The following GNG12 variants were observed in gnomAD, a reference collection of about 807,000 sequenced individuals.
GNG12 encodes guanine nucleotide-binding protein G(I)/G(S)/G(O) subunit gamma-12.
For synonymous variants in GNG12, 28 were observed against 29.7 expected (o/e 0.94, Z 0.19); for missense variants, 69 against 83.8 (o/e 0.82, Z 0.69).
At chr1:67,830,167 G>A (rs1647035124) in intron 1 of GNG12, among the ~76,000 whole-genome samples, 1 of 152,036 alleles carries the variant, frequency 6.6e-6, no homozygotes, top group Admixed American at 6.6e-5. Flanking sequence ...CATCACGCCT[G>A]GTTTATTTTG....
intron 2 of GNG12, among the ~76,000 whole-genome samples, chr1:67,767,155 A>T (rs1027004939): frequency 3.3e-5 from 5 of 152,150 alleles, no homozygotes; most frequent in Non-Finnish European, 5.9e-5. Flanking sequence ...CCTGAACCTT[A>T]GGGCTCTTTA....
intron 2 of GNG12, among the ~76,000 whole-genome samples, chr1:67,710,011 G>T (rs868565986): frequency 1.5e-4 from 4 of 26,028 alleles, no homozygotes; most frequent in Non-Finnish European, 2.2e-4. Context: ...TATATATATA[G>T]TTATATATAT....
At chr1:67,730,437 G>A (rs895013045) in intron 2 of GNG12, among the ~76,000 whole-genome samples, 58 of 152,120 alleles carry the variant, frequency 3.8e-4, no homozygotes, top group African/African-American at 1.3e-3. Flanking sequence ...AGGAGGAGGC[G>A]GAGGTTGCAG....
intron 2 of GNG12, among the ~76,000 whole-genome samples, chr1:67,747,383 G>C (rs1411672575): frequency 1.3e-5 from 2 of 152,178 alleles, no homozygotes; most frequent in African/African-American, 2.4e-5. Context: ...GCCTCTGGAA[G>C]TGCTGGGATT....
intron 2 of GNG12, among the ~76,000 whole-genome samples, chr1:67,718,524 C>T (rs142518882): frequency 2.0e-5 from 3 of 152,298 alleles, no homozygotes; most frequent in African/African-American, 7.2e-5. Flanking sequence ...GGCTGCCTTA[C>T]TAGACAGTGT....
rs546910296 is a variant in GNG12 at position 67,712,824 on chromosome 1, T to C, written c.-26-5112A>G. Among the ~76,000 whole-genome samples the C allele has an allele frequency of 1.3e-3, 183 of 137,392 alleles. 1 individual carries two copies. The highest frequency in any genetic ancestry group is 4.9e-3 in the African/African-American group (177 of 35,976). The allele number at this position is 137,392 out of a possible 152,430, so 90.1% of individuals were successfully genotyped here. On this transcript the variant is annotated intron_variant, in intron 2 of 3. Transcript: ENST00000370982. Reference sequence around the variant, plus strand: ...CAGGGCATCAGTGAATGCTCTACCATGTGGTTCTTTTTTTTTTTTTTCCCC... The same window carrying C: ...CAGGGCATCAGTGAATGCTCTACCACGTGGTTCTTTTTTTTTTTTTTCCCC...
chr1:67,743,828 C>T (rs1368893015), intron 2 of GNG12, among the ~76,000 whole-genome samples: 1 of 152,152 alleles, frequency 6.6e-6, no homozygotes, highest in African/African-American at 2.4e-5. Context: ...CAGCTTTTTA[C>T]AAGGATATTG....
At chr1:67,775,692 G>A (rs1646700893) in intron 2 of GNG12, among the ~76,000 whole-genome samples, 1 of 152,236 alleles carries the variant, frequency 6.6e-6, no homozygotes, top group African/African-American at 2.4e-5. Context: ...GCTGGGAAGT[G>A]AGTAGGAGCT....
chr1:67,761,380 C>T (rs369458793), intron 2 of GNG12, among the ~76,000 whole-genome samples: 4 of 152,308 alleles, frequency 2.6e-5, no homozygotes, highest in African/African-American at 9.6e-5. Flanking sequence ...AGAGAGGCTT[C>T]CAACCTCACT....
chr1:67,823,509 C>CT (rs769813638), intron 1 of GNG12, among the ~76,000 whole-genome samples: 16 of 152,160 alleles, frequency 1.1e-4, no homozygotes, highest in Non-Finnish European at 1.6e-4. Flanking sequence ...GAGATGTATG[C>CT]AAGAGGAAAG....
intron 2 of GNG12, among the ~76,000 whole-genome samples, chr1:67,717,384 T>C (rs1458547851): frequency 2.0e-5 from 3 of 151,848 alleles, no homozygotes; most frequent in Non-Finnish European, 4.4e-5. Context: ...GGCGTGGTGG[T>C]GCATGCCTAT....
intron 1 of GNG12, among the ~76,000 whole-genome samples, chr1:67,798,491 C>G (rs901808453): frequency 2.0e-5 from 3 of 152,120 alleles, no homozygotes; most frequent in Non-Finnish European, 4.4e-5. Flanking sequence ...AAAGGTCAGA[C>G]AGAAATTATG....
chr1:67,799,446 C>A (rs1646851761), intron 1 of GNG12, among the ~76,000 whole-genome samples: 5 of 152,162 alleles, frequency 3.3e-5, no homozygotes, highest in Admixed American at 3.3e-4. Flanking sequence ...ATTCTACAAT[C>A]ATTTCATGTT....
intron 1 of GNG12, among the ~76,000 whole-genome samples, chr1:67,801,135 T>C (rs1427639549): frequency 2.0e-5 from 3 of 152,142 alleles, no homozygotes; most frequent in Non-Finnish European, 4.4e-5. Context: ...TTGAGTAGCG[T>C]CTTCCATACA....
intron 1 of GNG12, among the ~76,000 whole-genome samples, chr1:67,824,509 CAAAAAA>C (rs35736017): frequency 1.1e-5 from 1 of 94,174 alleles, no homozygotes; most frequent in Non-Finnish European, 2.0e-5. Context: ...GATCCTGTCT[CAAAAAA>C]AAAAAAAAAA....
chr1:67,741,746 G>A (rs1485042217), intron 2 of GNG12, among the ~76,000 whole-genome samples: 1 of 152,220 alleles, frequency 6.6e-6, no homozygotes, highest in Non-Finnish European at 1.5e-5. Flanking sequence ...TTGGCATTTG[G>A]AGGACTGAAT....
intron 2 of GNG12, among the ~76,000 whole-genome samples, chr1:67,745,639 G>C (rs1646503448): frequency 6.6e-6 from 1 of 152,196 alleles, no homozygotes; most frequent in Non-Finnish European, 1.5e-5. Flanking sequence ...GTAAGAAAGG[G>C]AACATTAGAG....
At chr1:67,783,196 A>T (rs17130277) in intron 1 of GNG12, among the ~76,000 whole-genome samples, 2 of 152,206 alleles carry the variant, frequency 1.3e-5, no homozygotes, top group Non-Finnish European at 2.9e-5. Context: ...ACACATAGAC[A>T]TAAGTGTTTC....
At chr1:67,729,705 G>A (rs1557598490) in intron 2 of GNG12, among the ~76,000 whole-genome samples, 1 of 152,272 alleles carries the variant, frequency 6.6e-6, no homozygotes, top group East Asian at 1.9e-4. Flanking sequence ...CTGCTCTGTT[G>A]GAGGTTGTGT....
Sources: allele counts gnomAD v4.1 joint callset (sites outside exome capture counted in the v4.1 genomes callset), GRCh38; gene constraint gnomAD v4.1.1; transcripts MANE v1.5; gene names NCBI Gene and HGNC (gene_info 2026-07-23, HGNC 2026-07-21).